Variants in TMEM150C observed in about 807,000 individuals in gnomAD.
TMEM150C encodes transmembrane protein 150C.
A neutral mutation model predicts 29.9 loss-of-function variants in TMEM150C; 10 were observed. The ratio of observed to expected loss-of-function variants is 0.33; its 90% CI spans 0.21 to 0.57. The LOEUF is 0.57. TMEM150C is among the 20% of genes least tolerant of loss of function. The pLI is 0.88. For missense variants in TMEM150C, 251 were observed against 303.6 expected (o/e 0.83, Z 1.29); for synonymous variants, 101 against 112.5 (o/e 0.90, Z 0.64).
At chr4:82,486,618 C>T (rs555149579) in intron 7 of TMEM150C, among the ~76,000 whole-genome samples, 2 of 152,162 alleles carry the variant, frequency 1.3e-5, no homozygotes, top group African/African-American at 4.8e-5. Context: ...GGTGGGGTAG[C>T]TCATGCCTGT....
chr4:82,504,812 C>T (rs897139395), intron 1 of TMEM150C, 145 bp from the exon 2 acceptor site: 7 of 567,608 alleles, frequency 1.2e-5, no homozygotes, highest in East Asian at 6.8e-5. Context: ...GGGCGGATCA[C>T]GAGGTCAGGA....
At chr4:82,509,125 C>T (rs960053804) in intron 1 of TMEM150C, among the ~76,000 whole-genome samples, 1 of 152,208 alleles carries the variant, frequency 6.6e-6, no homozygotes, top group African/African-American at 2.4e-5. Flanking sequence ...ATGTCATTCC[C>T]TAAGTCTGAG....
chr4:82,532,308 T>G (rs1560494298), intron 1 of TMEM150C, among the ~76,000 whole-genome samples: 1 of 152,206 alleles, frequency 6.6e-6, no homozygotes, highest in Non-Finnish European at 1.5e-5. Context: ...CAGGCTATAT[T>G]CAGGGATAAA....
intron 1 of TMEM150C, among the ~76,000 whole-genome samples, chr4:82,527,365 G>A (rs1025278817): frequency 6.6e-6 from 1 of 152,256 alleles, no homozygotes; most frequent in East Asian, 1.9e-4. Context: ...GCTCGCACAC[G>A]TACTTGTTTT....
intron 1 of TMEM150C, among the ~76,000 whole-genome samples, chr4:82,522,229 G>C (rs1724510994): frequency 6.6e-6 from 1 of 152,196 alleles, no homozygotes; most frequent in African/African-American, 2.4e-5. Context: ...TGGTAAGATT[G>C]AGTGTGGCCA....
rs551575858 is a variant in TMEM150C, at chr4:82,486,093, G to A, written c.542-374C>T. Among the ~76,000 whole-genome samples the A allele has an allele frequency of 7.9e-5, 12 of 152,154 alleles. No individual in the cohort carries two copies. In the South Asian group the frequency reaches 2.3e-3, roughly 29 times the overall value. On this transcript the variant is annotated intron_variant, in intron 7 of 7. Transcript: ENST00000449862. ...GACCAAATGGGTAAGTAACTTGCCT[G>A]AGGTCACACAGGTATTAATTGGCTG...
chr4:82,532,027 G>T (rs1296959477), intron 1 of TMEM150C, among the ~76,000 whole-genome samples: 1 of 152,110 alleles, frequency 6.6e-6, no homozygotes, highest in South Asian at 2.1e-4. Context: ...AGGAACTTTG[G>T]CTGTAAACAA....
intron 7 of TMEM150C, 51 bp from the exon 8 acceptor site, chr4:82,485,770 G>A (rs1723141283): frequency 1.3e-6 from 2 of 1,508,088 alleles, no homozygotes; most frequent in African/African-American, 1.4e-5. Flanking sequence ...ATTAAAACTG[G>A]AATCTTTTCA....
intron 7 of TMEM150C, among the ~76,000 whole-genome samples, chr4:82,489,576 T>TTAA (rs1723266682): frequency 6.6e-6 from 1 of 152,150 alleles, no homozygotes. Context: ...ACATGCAGCC[T>TTAA]TAATCTAGTG....
intron 6 of TMEM150C, 75 bp from the exon 7 acceptor site, chr4:82,490,313 A>G: frequency 7.7e-7 from 1 of 1,292,990 alleles, no homozygotes; most frequent in East Asian, 2.3e-5. Flanking sequence ...GAATGAATAT[A>G]TGAGGGGAAA....
At position 82,522,962 on chromosome 4, in the gene TMEM150C, C is replaced by T. The variant is rs887628688; in HGVS notation, c.-10-18295G>A. On this transcript the variant is annotated intron_variant, in intron 1 of 7. Coordinates refer to ENST00000449862, the MANE Select transcript of TMEM150C (RefSeq NM_001080506.3). ...GAAGGCTGGGGTTTTTTTGCTAAAA[C>T]GGGATTTTACAAGGCATTCACAGGT... Among the ~76,000 whole-genome samples the T allele has an allele frequency of 5.3e-5, 8 of 151,944 alleles. No homozygotes were observed. The South Asian group carries it at 8.3e-4, about 16-fold the overall frequency.
At chr4:82,512,504 G>T (rs527768940) in intron 1 of TMEM150C, among the ~76,000 whole-genome samples, 1 of 152,036 alleles carries the variant, frequency 6.6e-6, no homozygotes. Context: ...CTTATACTTC[G>T]CAGCCTCCTT....
At chr4:82,515,035 A>G (rs1330959048) in intron 1 of TMEM150C, among the ~76,000 whole-genome samples, 2 of 152,200 alleles carry the variant, frequency 1.3e-5, no homozygotes, top group Non-Finnish European at 2.9e-5. Context: ...CCTATTCTCT[A>G]TAAAAATGAC....
At chr4:82,499,943 A>G (rs1723685207) in intron 5 of TMEM150C, among the ~76,000 whole-genome samples, 1 of 152,108 alleles carries the variant, frequency 6.6e-6, no homozygotes, top group Non-Finnish European at 1.5e-5. Flanking sequence ...ACAACTGTCA[A>G]TATGTTTTGC....
At chr4:82,499,742 A>AAAAAAAC (rs1723673059) in intron 5 of TMEM150C, among the ~76,000 whole-genome samples, 1 of 151,514 alleles carries the variant, frequency 6.6e-6, no homozygotes, top group Non-Finnish European at 1.5e-5. Flanking sequence ...AAAAAAAAAA[A>AAAAAAAC]AAGCACAAAT....
intron 1 of TMEM150C, among the ~76,000 whole-genome samples, chr4:82,547,226 G>A (rs1725412301): frequency 6.6e-6 from 1 of 151,416 alleles, no homozygotes; most frequent in Non-Finnish European, 1.5e-5. Flanking sequence ...AATAAAAAAT[G>A]AGCAAAAGAC....
chr4:82,489,525 T>C (rs1324138793), intron 7 of TMEM150C, among the ~76,000 whole-genome samples: 2 of 152,094 alleles, frequency 1.3e-5, no homozygotes, highest in Non-Finnish European at 2.9e-5. Flanking sequence ...GGAAGGGAAA[T>C]GAATAGCACC....
At chr4:82,486,335 TAAAAAAAAAAAAAAAAAAA>T (rs527967958) in intron 7 of TMEM150C, among the ~76,000 whole-genome samples, 1 of 51,284 alleles carries the variant, frequency 1.9e-5, no homozygotes, top group Non-Finnish European at 3.4e-5. Context: ...GACTCCATCT[TAAAAAAAAAAAAAAAAAAA>T]AAAAAAAAAG....
intron 1 of TMEM150C, among the ~76,000 whole-genome samples, chr4:82,553,968 C>T (rs1200103045): frequency 6.6e-6 from 1 of 152,118 alleles, no homozygotes; most frequent in Non-Finnish European, 1.5e-5. Flanking sequence ...AATGGGGAAA[C>T]ACCAATCAAA....
Sources: gnomAD v4.1 joint callset for allele counts (sites outside exome capture counted in the v4.1 genomes callset) on GRCh38, gnomAD v4.1.1 for gene constraint, MANE v1.5 for transcripts, NCBI Gene and HGNC (gene_info 2026-07-23, HGNC 2026-07-21) for gene names.